The following AHDC1 variants were observed in gnomAD, a reference collection of about 807,000 sequenced individuals.
AHDC1 encodes the protein transcription factor Gibbin.
Under a neutral mutation model 87.9 loss-of-function variants are expected in AHDC1, and 7 were observed. The ratio of observed to expected loss-of-function variants is 0.08; its 90% CI spans 0.05 to 0.15. The LOEUF (loss-of-function observed/expected upper bound fraction) is 0.15, where lower values mean the gene tolerates loss of function less well. Among genes scored for constraint, AHDC1 ranks in the 10% least tolerant of loss-of-function variants. AHDC1 has a pLI of 1.00. For synonymous variants in AHDC1, 1,051 were observed against 1,006.8 expected (o/e 1.04, Z -0.83); for missense variants, 1,841 against 2,253.2 (o/e 0.82, Z 3.70).
Position 27,551,559 on chromosome 1 carries a change from G to A in AHDC1, c.557C>T (p.Pro186Leu), listed in dbSNP as rs200091801. The A allele has an allele frequency of 3.1e-6, 5 of 1,608,386 alleles. No homozygotes were observed. The East Asian group carries it at 1.1e-4, about 36-fold the overall frequency. Reference sequence around the variant, plus strand: ...GCTGGGCCGCTCCGACTTGGCGTGTGGGGTGGCCCGCTCCTCAGGGCTACG... The same window carrying A: ...GCTGGGCCGCTCCGACTTGGCGTGTAGGGTGGCCCGCTCCTCAGGGCTACG... ...SIRSPEERAT[P>L]HAKSERPSHP... The change falls in exon 8 of 9, where the codon CCA (proline) becomes CTA (leucine). Residue 186 changes from proline (P) to leucine (L), a missense_variant. By Grantham distance (98) the Pro-to-Leu change is moderately conservative. This residue lies in a region of AHDC1 where 370 missense variants were observed against 391.5 expected (regional missense o/e 0.95). Coordinates refer to ENST00000673934, the MANE Select transcript of AHDC1 (RefSeq NM_001371928.1).
chr1:27,585,868 G>A (rs557540257), intron 3 of AHDC1, among the ~76,000 whole-genome samples: 94 of 152,286 alleles, frequency 6.2e-4, no homozygotes, highest in African/African-American at 2.1e-3. Context: ...TGTGACCCTG[G>A]GCAAGTTACT....
rs763066566 is a variant in AHDC1 at position 27,551,744 on chromosome 1, C to G, written c.372G>C (p.Leu124=). Residue 124 remains leucine (L), a synonymous_variant, in exon 8 of 9, where the codon CTG becomes CTC. Coordinates refer to ENST00000673934, the MANE Select transcript of AHDC1 (RefSeq NM_001371928.1). ...GRVNLRPVVQ[L]IDIMKDLTRL... is the part of the protein sequence containing the mutation. ...GTGTCAGGTCCTTCATGATGTCAAT[C>G]AGCTGCACCACTGGTCGCAGGTTCA... 5 of 1,613,766 alleles carry G rather than the reference C, an allele frequency of 3.1e-6. No homozygotes were observed. Among genetic ancestry groups the G allele is most frequent in the Non-Finnish European group, 4.2e-6 (5 of 1,179,942 alleles).
chr1:27,584,022 C>T (rs571800867), intron 3 of AHDC1, among the ~76,000 whole-genome samples: 1 of 152,264 alleles, frequency 6.6e-6, no homozygotes, highest in Admixed American at 6.5e-5. Flanking sequence ...TGTCTGGCAC[C>T]CAGCAGGTGC....
rs2089274904 is a variant in AHDC1, at chr1:27,593,182, C to G, written c.-629+10215G>C. Among the ~76,000 whole-genome samples, 2 of 152,060 alleles carry G rather than the reference C, an allele frequency of 1.3e-5. No individual in the cohort carries two copies. The highest frequency in any genetic ancestry group is 4.8e-5 in the African/African-American group (2 of 41,394). ...GGGCTCCCTCCAGGGCTGGCTGGGG[C>G]AGGGGCTGAGGTGGGGAAGGGGGAG... On this transcript the variant is annotated intron_variant, in intron 3 of 8. Coordinates refer to ENST00000673934, the MANE Select transcript of AHDC1 (RefSeq NM_001371928.1). This position sits in a 1 kb window ranked among gnomAD's most constrained non-coding sequence, Gnocchi z 4.9.
chr1:27,589,366 T>C (rs1397876262), intron 3 of AHDC1, among the ~76,000 whole-genome samples: 2 of 152,184 alleles, frequency 1.3e-5, no homozygotes, highest in African/African-American at 4.8e-5. Flanking sequence ...TGTCTCTATA[T>C]GTTTCTGGGC....
chr1:27,542,299 C>T (rs543612215), intron 8 of AHDC1, among the ~76,000 whole-genome samples: 4 of 152,328 alleles, frequency 2.6e-5, no homozygotes, highest in African/African-American at 7.2e-5. Flanking sequence ...AGGGAGGACT[C>T]GGCCCAATTG....
In AHDC1 at chr1:27,595,991, T is replaced by C. The variant is rs2089360479; in HGVS notation, c.-629+7406A>G. Among the ~76,000 whole-genome samples the C allele has an allele frequency of 6.6e-6, 1 of 151,880 alleles. No individual in the cohort carries two copies. Among genetic ancestry groups the C allele is most frequent in the Non-Finnish European group, 1.5e-5 (1 of 67,932 alleles). ...TGTGAGTGTGTATGTGGGGCAGTTG[T>C]CTATTTAGAAGGTGTTGGGAGCTGT... On this transcript the variant is annotated intron_variant, in intron 3 of 8. Transcript: ENST00000673934. The surrounding 1 kb of genome is among the most constrained non-coding windows in gnomAD (Gnocchi z 4.0).
In AHDC1 at chr1:27,551,454, G is replaced by C. The variant is rs538241727; in HGVS notation, c.662C>G (p.Ala221Gly). The C allele has an allele frequency of 6.2e-7, 1 of 1,611,460 alleles. No individual in the cohort carries two copies. The highest frequency in any genetic ancestry group is 2.2e-5 in the East Asian group (1 of 44,862). Residue 221 changes from alanine to glycine, a missense_variant, in exon 8 of 9, where the codon GCG (alanine) becomes GGG (glycine). Around this residue, in one of 13 missense-constraint regions of AHDC1, gnomAD observed 370 missense variants for 391.5 expected, o/e 0.95. Transcript: ENST00000673934. Reference protein sequence around the residue: ...GQGHSPGATAAATGLPPEPEP... With the variant: ...GQGHSPGATAGATGLPPEPEP... ...AGGCTCTGGGGGCAGACCCGTGGCCGCAGCCGTGGCTCCGGGACTATGGCC... is the reference window on the plus strand; with the variant it reads ...AGGCTCTGGGGGCAGACCCGTGGCCCCAGCCGTGGCTCCGGGACTATGGCC...
intron 3 of AHDC1, among the ~76,000 whole-genome samples, chr1:27,596,143 C>A (rs1233441424): frequency 6.6e-6 from 1 of 151,974 alleles, no homozygotes; most frequent in African/African-American, 2.4e-5. Flanking sequence ...TGGGGGCTAC[C>A]CGCTAGAACC....
At position 27,567,164 on chromosome 1, in the gene AHDC1, T is replaced by G. The variant is rs142101796; in HGVS notation, c.-628-8281A>C. ...CTCCTCCTCTCTGTCCCCTCCAGTC[T>G]AGCTGAAGATCCTGCATGCTGCTGC... is the stretch of plus-strand genomic sequence containing the variant. On this transcript the variant is annotated intron_variant, in intron 3 of 8. Coordinates refer to ENST00000673934, the MANE Select transcript of AHDC1 (RefSeq NM_001371928.1). Among the ~76,000 whole-genome samples, 29 of 152,160 alleles carry G rather than the reference T, an allele frequency of 1.9e-4. No individual in the cohort carries two copies. The East Asian group carries it at 5.4e-3, about 28-fold the overall frequency.
intron 8 of AHDC1, among the ~76,000 whole-genome samples, chr1:27,539,415 C>T (rs1017505759): frequency 3.3e-5 from 5 of 150,628 alleles, no homozygotes; most frequent in Admixed American, 6.6e-5. Context: ...GGATTGCAGG[C>T]GTGGTGAGCC....
At chr1:27,580,996 A>G (rs1282867821) in intron 3 of AHDC1, among the ~76,000 whole-genome samples, 1 of 152,090 alleles carries the variant, frequency 6.6e-6, no homozygotes, top group Non-Finnish European at 1.5e-5. Flanking sequence ...CACCATGCCC[A>G]GCTAATTTTT....
chr1:27,544,247 G>A (rs1207047049), intron 8 of AHDC1, among the ~76,000 whole-genome samples: 1 of 152,100 alleles, frequency 6.6e-6, no homozygotes, highest in Non-Finnish European at 1.5e-5. Context: ...TTACATAAAG[G>A]GCCCAGCACA....
intron 3 of AHDC1, among the ~76,000 whole-genome samples, chr1:27,566,208 A>G (rs1238541580): frequency 6.6e-6 from 1 of 152,202 alleles, no homozygotes; most frequent in East Asian, 1.9e-4. Context: ...GCAGAGATTC[A>G]GATCCAGGAA....
intron 8 of AHDC1, among the ~76,000 whole-genome samples, chr1:27,546,630 G>T (rs116165364): frequency 0.012 from 1,769 of 152,318 alleles, 31 homozygotes; most frequent in African/African-American, 0.039. Flanking sequence ...GACCAAAGAT[G>T]TTGGAAAATA....
chr1:27,601,186 T>C (rs1571358620), intron 3 of AHDC1, among the ~76,000 whole-genome samples: 1 of 152,394 alleles, frequency 6.6e-6, no homozygotes, highest in East Asian at 1.9e-4. Flanking sequence ...TTTCTCTCTA[T>C]ATTATTTCAA....
intron 8 of AHDC1, among the ~76,000 whole-genome samples, chr1:27,546,229 G>C (rs941486930): frequency 6.6e-6 from 1 of 152,236 alleles, no homozygotes; most frequent in Non-Finnish European, 1.5e-5. Flanking sequence ...TTGTCCAAAA[G>C]TGGGGCCAGT....
rs2020079493 is a variant in AHDC1, at chr1:27,561,478, G to A, written c.-628-2595C>T. ...CCCACACAGGCTGGGGGAGCTGCTG[G>A]GAGGCAGAGGACAGTGTGGTGGGGG... On this transcript the variant is annotated intron_variant, in intron 3 of 8. Coordinates refer to ENST00000673934, the MANE Select transcript of AHDC1 (RefSeq NM_001371928.1). This position sits in a 1 kb window ranked among gnomAD's most constrained non-coding sequence, Gnocchi z 4.2. 6.6e-6 allele frequency among the ~76,000 whole-genome samples: 1 copy of A among 152,200 alleles called. No homozygotes were observed. The highest frequency in any genetic ancestry group is 6.5e-5 in the Admixed American group (1 of 15,286).
chr1:27,593,487 G>C lies in AHDC1; in HGVS notation c.-629+9910C>G, dbSNP rs77855099. ...GGACCCATTCTCAGGGCGTAGCCGT[G>C]TGTCCCTCAGAACCCTAAGACCCAG... On this transcript the variant is annotated intron_variant, in intron 3 of 8. Coordinates refer to ENST00000673934, the MANE Select transcript of AHDC1 (RefSeq NM_001371928.1). This position sits in a 1 kb window ranked among gnomAD's most constrained non-coding sequence, Gnocchi z 4.9. Among the ~76,000 whole-genome samples the C allele has an allele frequency of 0.014, 2,151 of 152,302 alleles. 34 individuals are homozygous for C. The highest frequency in any genetic ancestry group is 0.061 in the Middle Eastern group (18 of 294).
Sources: allele counts gnomAD v4.1 joint callset (sites outside exome capture counted in the v4.1 genomes callset), GRCh38; gene constraint gnomAD v4.1.1; regional missense constraint gnomAD v4.1.1; non-coding constraint Gnocchi (gnomAD v3.1); transcripts MANE v1.5; gene names NCBI Gene and HGNC (gene_info 2026-07-23, HGNC 2026-07-21).